Variants in TYW1B observed in about 807,000 individuals in gnomAD.
The protein encoded by TYW1B is tRNA-yW synthesizing protein 1 homolog B.
A neutral mutation model predicts 86.9 loss-of-function variants in TYW1B; 73 were observed. The observed-to-expected ratio is 0.84, with a 90% confidence interval of 0.70 to 1.02. TYW1B has a LOEUF of 1.02. TYW1B is among the 50% of genes least tolerant of loss of function. The probability of loss-of-function intolerance (pLI) is 0.00; values close to 1 mark genes in which losing one functional copy is unlikely to be tolerated. For missense variants in TYW1B, 637 were observed against 827.4 expected, an observed-to-expected ratio of 0.77 and a Z score of 2.82; for synonymous variants, 248 against 292.8, an observed-to-expected ratio of 0.85 and a Z score of 1.56.
At chr7:72,648,801 A>T (rs532724916) in intron 11 of TYW1B, among the ~76,000 whole-genome samples, 1 of 152,268 alleles carries the variant, frequency 6.6e-6, no homozygotes, top group African/African-American at 2.4e-5. Context: ...GAGTAAGCGG[A>T]GGGTGAAACC....
intron 8 of TYW1B, among the ~76,000 whole-genome samples, chr7:72,736,744 C>T (rs1213451432): frequency 3.9e-5 from 6 of 152,130 alleles, no homozygotes; most frequent in Non-Finnish European, 7.4e-5. Context: ...CTGTTGTGAT[C>T]GGCTTCTTTC....
At chr7:72,583,110 C>T (rs576500063) in intron 13 of TYW1B, among the ~76,000 whole-genome samples, 8 of 152,270 alleles carry the variant, frequency 5.3e-5, no homozygotes, top group African/African-American at 1.9e-4. Context: ...CACCTGTAAT[C>T]CCAGCACTTT....
intron 11 of TYW1B, among the ~76,000 whole-genome samples, chr7:72,655,663 A>G (rs565417148): frequency 3.9e-5 from 6 of 152,236 alleles, no homozygotes; most frequent in African/African-American, 9.6e-5. Flanking sequence ...GAGCCAAAAC[A>G]TGTGTTCTCC....
At chr7:72,822,684 C>T (rs1259634254) in intron 2 of TYW1B, among the ~76,000 whole-genome samples, 3 of 152,082 alleles carry the variant, frequency 2.0e-5, no homozygotes, top group Non-Finnish European at 2.9e-5. Flanking sequence ...CAGTGGCTCA[C>T]ACCTGTAATC....
At chr7:72,693,003 C>T (rs1554450634) in intron 11 of TYW1B, among the ~76,000 whole-genome samples, 1 of 152,058 alleles carries the variant, frequency 6.6e-6, no homozygotes, top group African/African-American at 2.4e-5. Context: ...TTTTCTGGGA[C>T]AGTGACTCCC....
chr7:72,574,524 T>C lies in TYW1B; in HGVS notation c.*974A>G. Reference sequence around the variant, plus strand: ...ACTCATGCTGCAAGTCTTTACAAAATATTATTTTATTAATTCAATTTTTGC... The same window carrying C: ...ACTCATGCTGCAAGTCTTTACAAAACATTATTTTATTAATTCAATTTTTGC... On this transcript the variant is annotated 3_prime_UTR_variant, in exon 14 of 14. Transcript: ENST00000620995. 1.0e-6 allele frequency: 1 copy of C among 961,220 alleles called. No individual in the cohort carries two copies. Among genetic ancestry groups the C allele is most frequent in the Non-Finnish European group, 1.2e-6 (1 of 807,890 alleles). 59.5% of individuals were successfully genotyped at this position (961,220 alleles called of 1,614,324 possible). A position where few individuals can be genotyped will look rare whatever the true frequency, so the allele number is the denominator to read the frequency against.
intron 7 of TYW1B, among the ~76,000 whole-genome samples, chr7:72,746,468 G>A (rs1563080195): frequency 6.6e-6 from 1 of 152,180 alleles, no homozygotes; most frequent in South Asian, 2.1e-4. Flanking sequence ...TTGAAGAAAT[G>A]TACACTTCAA....
intron 11 of TYW1B, among the ~76,000 whole-genome samples, chr7:72,654,590 C>A (rs13247139): frequency 6.6e-6 from 1 of 152,136 alleles, no homozygotes; most frequent in Non-Finnish European, 1.5e-5. Context: ...TGTATTAATA[C>A]TGGTTATAGG....
At chr7:72,590,385 T>C (rs559753387) in intron 13 of TYW1B, among the ~76,000 whole-genome samples, 6 of 152,310 alleles carry the variant, frequency 3.9e-5, no homozygotes, top group Admixed American at 2.0e-4. Context: ...AAGGGCGGAA[T>C]AGAGGCAGCC....
At chr7:72,674,848 C>T (rs1216700419) in intron 11 of TYW1B, among the ~76,000 whole-genome samples, 3 of 150,036 alleles carry the variant, frequency 2.0e-5, no homozygotes, top group African/African-American at 7.4e-5. Context: ...CCTTCCACCT[C>T]GGCCTCCCAA....
intron 11 of TYW1B, among the ~76,000 whole-genome samples, chr7:72,668,415 A>T (rs1406752718): frequency 6.6e-6 from 1 of 152,242 alleles, no homozygotes; most frequent in Non-Finnish European, 1.5e-5. Flanking sequence ...AAGCTCTCTC[A>T]GTGTGCTAGG....
chr7:72,742,497 C>T (rs782479944), intron 8 of TYW1B, among the ~76,000 whole-genome samples: 2 of 152,038 alleles, frequency 1.3e-5, no homozygotes, highest in Non-Finnish European at 2.9e-5. Context: ...TATAAAACAG[C>T]AATTATAAAT....
intron 11 of TYW1B, among the ~76,000 whole-genome samples, chr7:72,642,201 C>G (rs1219362990): frequency 6.6e-6 from 1 of 152,096 alleles, no homozygotes; most frequent in African/African-American, 2.4e-5. Flanking sequence ...ACATTGTCCA[C>G]CAAAATTAAC....
intron 7 of TYW1B, among the ~76,000 whole-genome samples, chr7:72,770,434 A>AC (rs1343596463): frequency 6.7e-6 from 1 of 148,362 alleles, no homozygotes; most frequent in Non-Finnish European, 1.5e-5. Flanking sequence ...TCTCAAAAAA[A>AC]AAAAAAAAAA....
At chr7:72,723,768 T>C (rs1554458102) in intron 9 of TYW1B, among the ~76,000 whole-genome samples, 5 of 152,072 alleles carry the variant, frequency 3.3e-5, no homozygotes, top group Non-Finnish European at 7.4e-5. Context: ...AACAAGACCC[T>C]ATCCCTTTAT....
At chr7:72,633,528 T>A (rs1299887529) in intron 11 of TYW1B, among the ~76,000 whole-genome samples, 1 of 152,218 alleles carries the variant, frequency 6.6e-6, no homozygotes, top group African/African-American at 2.4e-5. Context: ...CCAGGGATTA[T>A]CACAAAATGC....
intron 5 of TYW1B, among the ~76,000 whole-genome samples, chr7:72,804,674 C>T (rs1437708865): frequency 6.6e-6 from 1 of 152,086 alleles, no homozygotes; most frequent in African/African-American, 2.4e-5. Flanking sequence ...CTCATCTCTA[C>T]AAAAAATTTA....
intron 9 of TYW1B, among the ~76,000 whole-genome samples, chr7:72,726,198 G>A (rs1382289965): frequency 9.9e-5 from 15 of 151,828 alleles, no homozygotes; most frequent in Admixed American, 6.6e-5. Context: ...TCCCACCATC[G>A]AAAAATGCTT....
At chr7:72,609,475 C>T (rs1811882758) in intron 13 of TYW1B, among the ~76,000 whole-genome samples, 1 of 152,088 alleles carries the variant, frequency 6.6e-6, no homozygotes, top group Non-Finnish European at 1.5e-5. Context: ...AGGAGGACTG[C>T]TTGAGCCTGG....
Sources: allele counts gnomAD v4.1 joint callset (sites outside exome capture counted in the v4.1 genomes callset), GRCh38; gene constraint gnomAD v4.1.1; transcripts MANE v1.5; gene names NCBI Gene and HGNC (gene_info 2026-07-23, HGNC 2026-07-21).